RBFOX1: variants seen among roughly 807,000 people sequenced by gnomAD.
RBFOX1 encodes the protein RNA binding fox-1 homolog 1, also known as RNA binding protein fox-1 homolog 1.
Under a neutral mutation model 57.7 loss-of-function variants are expected in RBFOX1, and 8 were observed. The ratio of observed to expected loss-of-function variants is 0.14; its 90% CI spans 0.08 to 0.25. The LOEUF (loss-of-function observed/expected upper bound fraction) is 0.25, where lower values mean the gene tolerates loss of function less well. RBFOX1 is among the 10% of genes least tolerant of loss of function. RBFOX1 has a pLI of 1.00. For missense variants in RBFOX1, 611 were observed against 548.5 expected, an observed-to-expected ratio of 1.11 and a Z score of -1.14; for synonymous variants, 326 against 222.4, an observed-to-expected ratio of 1.47 and a Z score of -4.15.
chr16:5,923,086 C>T (rs2058860129), intron 4 of RBFOX1, among the ~76,000 whole-genome samples: 1 of 152,164 alleles, frequency 6.6e-6, no homozygotes, highest in African/African-American at 2.4e-5. Flanking sequence ...CCGCTGCTTG[C>T]TGGAGCAGCT....
intron 3 of RBFOX1, among the ~76,000 whole-genome samples, chr16:5,797,125 G>A (rs1022353286): frequency 1.3e-5 from 2 of 152,174 alleles, no homozygotes; most frequent in Admixed American, 1.3e-4. Flanking sequence ...GTCAGGGAGG[G>A]ACTCTACAGT....
At chr16:5,599,822 G>A (rs916260581) in exon 3 of RBFOX1, 1 of 153,146 alleles carries the variant, frequency 6.5e-6, no homozygotes, top group Non-Finnish European at 1.5e-5. Context: ...TAGGTATGGT[G>A]AGACATTGTG....
intron 3 of RBFOX1, among the ~76,000 whole-genome samples, chr16:6,878,219 A>T (rs1464223556): frequency 1.3e-5 from 2 of 152,184 alleles, no homozygotes; most frequent in Admixed American, 1.3e-4. Flanking sequence ...CTCATCAACA[A>T]AGATTCCGTT....
At chr16:6,174,012 A>T (rs1043828597) in intron 1 of RBFOX1, among the ~76,000 whole-genome samples, 11 of 151,996 alleles carry the variant, frequency 7.2e-5, no homozygotes, top group African/African-American at 2.7e-4. Flanking sequence ...AAATAACCCA[A>T]ATTCTCAACT....
intron 4 of RBFOX1, among the ~76,000 whole-genome samples, chr16:5,960,701 A>C (rs971125701): frequency 3.3e-5 from 5 of 152,164 alleles, no homozygotes; most frequent in African/African-American, 1.2e-4. Context: ...TTTCAACTTC[A>C]CAGAGCCCAG....
chr16:6,227,946 C>G lies in RBFOX1; in HGVS notation c.-126-89049C>G, dbSNP rs143262071. On this transcript the variant is annotated intron_variant, in intron 1 of 15. Transcript: ENST00000550418. ...GCAACCTCACTGCTGGATTATACAT[C>G]CAAAGAAAATGAAATCAATATATCG... Among the ~76,000 whole-genome samples, 406 of 152,240 alleles carry G rather than the reference C, an allele frequency of 2.7e-3. 2 individuals carry two copies. Among genetic ancestry groups the G allele is most frequent in the African/African-American group, 9.4e-3 (390 of 41,530 alleles).
intron 2 of RBFOX1, among the ~76,000 whole-genome samples, chr16:6,641,302 A>T: frequency 6.6e-6 from 1 of 152,174 alleles, no homozygotes; most frequent in East Asian, 1.9e-4. Flanking sequence ...ACAGCATTGT[A>T]ACACGGTTCA....
intron 2 of RBFOX1, among the ~76,000 whole-genome samples, chr16:5,529,361 G>A (rs377090453): frequency 1.3e-5 from 2 of 151,250 alleles, no homozygotes; most frequent in Non-Finnish European, 2.9e-5. Flanking sequence ...ACTGGAGGAG[G>A]TGGACCCCAA....
At chr16:5,517,232 C>G (rs1253286155) in intron 2 of RBFOX1, among the ~76,000 whole-genome samples, 2 of 152,140 alleles carry the variant, frequency 1.3e-5, no homozygotes, top group African/African-American at 4.8e-5. Context: ...CAGCAGGTCT[C>G]CAGAGCCTGG....
In RBFOX1 at chr16:6,839,204, C is replaced by T. The variant is rs561239511; in HGVS notation, c.-16+184554C>T. 4.0e-5 allele frequency among the ~76,000 whole-genome samples: 6 copies of T among 151,618 alleles called. No individual in the cohort carries two copies. The South Asian group carries it at 1.3e-3, about 32-fold the overall frequency. Reference sequence around the variant, plus strand: ...TTCACCATGTTGGCCAGGCTGTTCTCGAATTCCTGACCTCAAGTGATCCAC... The same window carrying T: ...TTCACCATGTTGGCCAGGCTGTTCTTGAATTCCTGACCTCAAGTGATCCAC... On this transcript the variant is annotated intron_variant, in intron 3 of 15. Transcript: ENST00000550418.
Position 6,066,713 on chromosome 16 carries a change from G to C in RBFOX1, c.-127+46721G>C, listed in dbSNP as rs994568928. 2.6e-5 allele frequency among the ~76,000 whole-genome samples: 4 copies of C among 152,134 alleles called. No individual in the cohort carries two copies. The South Asian group carries it at 8.3e-4, about 32-fold the overall frequency. On this transcript the variant is annotated intron_variant, in intron 1 of 15. Coordinates refer to ENST00000550418, the MANE Select transcript of RBFOX1 (RefSeq NM_018723.4). ...AGTGTTTGGACAAAAATGGCAGCAGGTATACTGTGCCAAGCATTGGCCTTT... is the reference window on the plus strand; with the variant it reads ...AGTGTTTGGACAAAAATGGCAGCAGCTATACTGTGCCAAGCATTGGCCTTT...
chr16:6,954,726 A>G (rs2081410317), intron 3 of RBFOX1, among the ~76,000 whole-genome samples: 1 of 152,066 alleles, frequency 6.6e-6, no homozygotes. Context: ...AGGTGAGGAG[A>G]TGAGCCCCAG....
intron 3 of RBFOX1, among the ~76,000 whole-genome samples, chr16:5,680,554 C>T (rs2050301991): frequency 6.6e-6 from 1 of 152,112 alleles, no homozygotes; most frequent in South Asian, 2.1e-4. Context: ...ACATGGGAGT[C>T]TCTAGACTTC....
chr16:6,637,051 C>A (rs1240578368), intron 2 of RBFOX1, among the ~76,000 whole-genome samples: 1 of 96,272 alleles, frequency 1.0e-5, no homozygotes, highest in Non-Finnish European at 1.9e-5. Flanking sequence ...TATGTATAAA[C>A]ATATTTATAT....
At chr16:6,738,298 A>G (rs372254331) in intron 3 of RBFOX1, among the ~76,000 whole-genome samples, 1 of 152,182 alleles carries the variant, frequency 6.6e-6, no homozygotes, top group East Asian at 1.9e-4. Flanking sequence ...AGTTTCCATA[A>G]GGAGAGGAGG....
At chr16:6,598,755 G>C (rs1019456451) in intron 2 of RBFOX1, among the ~76,000 whole-genome samples, 3 of 152,142 alleles carry the variant, frequency 2.0e-5, no homozygotes, top group Non-Finnish European at 2.9e-5. Context: ...AGACCAGCCG[G>C]ACCAATATGG....
intron 3 of RBFOX1, among the ~76,000 whole-genome samples, chr16:6,996,816 T>G (rs1055592533): frequency 1.3e-5 from 2 of 152,108 alleles, no homozygotes; most frequent in African/African-American, 4.8e-5. Context: ...AGTCTATGAG[T>G]TGATTTCCAT....
intron 11 of RBFOX1, among the ~76,000 whole-genome samples, chr16:7,644,748 C>T (rs1009694): frequency 1.3e-5 from 2 of 151,710 alleles, no homozygotes; most frequent in Non-Finnish European, 2.9e-5. Context: ...TTGAAATCAA[C>T]TCAGGTGATA....
intron 4 of RBFOX1, among the ~76,000 whole-genome samples, chr16:7,252,816 C>G (rs539656633): frequency 1.1e-4 from 17 of 151,436 alleles, no homozygotes; most frequent in East Asian, 7.8e-4. Context: ...AACGTCAGAT[C>G]TGGGATGTGA....
Sources: allele counts gnomAD v4.1 joint callset (sites outside exome capture counted in the v4.1 genomes callset), GRCh38; gene constraint gnomAD v4.1.1; transcripts MANE v1.5; gene names NCBI Gene and HGNC (gene_info 2026-07-23, HGNC 2026-07-21).